CSMD1: variants seen among roughly 807,000 people sequenced by gnomAD.
CSMD1 encodes the protein CUB and sushi domain-containing protein 1.
Under a neutral mutation model 417.5 loss-of-function variants are expected in CSMD1, and 213 were observed. That is an observed-to-expected ratio of 0.51 (90% CI 0.46 to 0.57). CSMD1 has a LOEUF of 0.57. CSMD1 is among the 20% of genes least tolerant of loss of function. CSMD1 has a pLI of 0.00. For synonymous variants in CSMD1, 2,862 were observed against 1,736.8 expected (o/e 1.65, Z -16.11); for missense variants, 6,923 against 4,529.7 (o/e 1.53, Z -15.17).
chr8:4,873,352 A>T (rs1352607169), intron 1 of CSMD1, among the ~76,000 whole-genome samples: 1 of 152,148 alleles, frequency 6.6e-6, no homozygotes, highest in Non-Finnish European at 1.5e-5. Flanking sequence ...TTTGGTTTGT[A>T]TGAACATGAC....
intron 7 of CSMD1, among the ~76,000 whole-genome samples, chr8:3,699,485 A>G (rs766708495): frequency 6.6e-6 from 1 of 152,244 alleles, no homozygotes; most frequent in Non-Finnish European, 1.5e-5. Flanking sequence ...TCCTTTAAAG[A>G]GGACTTGGTG....
intron 3 of CSMD1, among the ~76,000 whole-genome samples, chr8:4,402,571 A>T (rs1804714769): frequency 2.0e-5 from 3 of 152,128 alleles, no homozygotes; most frequent in Admixed American, 1.3e-4. Context: ...TCTTGAAGGG[A>T]GACTTTTATA....
intron 11 of CSMD1, among the ~76,000 whole-genome samples, chr8:3,489,424 C>A (rs1818240277): frequency 6.6e-6 from 1 of 152,264 alleles, no homozygotes. Context: ...TTAATGAAAT[C>A]CCCTGGTTAC....
At chr8:3,290,452 C>T (rs1364357228) in intron 25 of CSMD1, among the ~76,000 whole-genome samples, 1 of 141,990 alleles carries the variant, frequency 7.0e-6, no homozygotes, top group African/African-American at 2.9e-5. Flanking sequence ...ATTCTTCCTA[C>T]CTATGAGCAT....
chr8:3,205,210 A>C (rs1181492936), intron 31 of CSMD1, among the ~76,000 whole-genome samples: 1 of 152,214 alleles, frequency 6.6e-6, no homozygotes, highest in Non-Finnish European at 1.5e-5. Flanking sequence ...TCATAAAAAC[A>C]ACCAACTGAA....
At chr8:3,235,916 G>GTTTTTTTTTTTTTTTTTTTT (rs11414439) in intron 26 of CSMD1, among the ~76,000 whole-genome samples, 2 of 119,378 alleles carry the variant, frequency 1.7e-5, no homozygotes, top group East Asian at 2.6e-4. Context: ...GAAGATGTAA[G>GTTTTTTTTTTTTTTTTTTTT]TTTTTTTTTT....
At chr8:4,193,718 C>G (rs181945969) in intron 3 of CSMD1, among the ~76,000 whole-genome samples, 1 of 152,130 alleles carries the variant, frequency 6.6e-6, no homozygotes, top group East Asian at 1.9e-4. Flanking sequence ...GGCGCAGGAA[C>G]CACGTCTCCA....
chr8:4,405,994 C>A (rs560914075), intron 3 of CSMD1, among the ~76,000 whole-genome samples: 2 of 152,110 alleles, frequency 1.3e-5, no homozygotes, highest in African/African-American at 2.4e-5. Context: ...ATGGCTGTGA[C>A]GAGTGAGAGG....
chr8:4,719,284 A>C (rs1216426451), intron 1 of CSMD1, among the ~76,000 whole-genome samples: 8 of 152,234 alleles, frequency 5.3e-5, no homozygotes. Context: ...TTAACAAAGT[A>C]GATAAATAAA....
At chr8:4,341,316 T>C (rs1435583357) in intron 3 of CSMD1, among the ~76,000 whole-genome samples, 1 of 152,130 alleles carries the variant, frequency 6.6e-6, no homozygotes, top group Non-Finnish European at 1.5e-5. Flanking sequence ...CAATCAATCA[T>C]ATCACTAGGT....
intron 1 of CSMD1, among the ~76,000 whole-genome samples, chr8:4,657,310 A>G (rs1319106865): frequency 6.6e-6 from 1 of 152,226 alleles, no homozygotes; most frequent in Non-Finnish European, 1.5e-5. Context: ...AGGAGGGCCC[A>G]GCACACAAAG....
intron 5 of CSMD1, among the ~76,000 whole-genome samples, chr8:3,941,539 C>G (rs79325024): frequency 0.011 from 1,636 of 152,200 alleles, 24 homozygotes; most frequent in African/African-American, 0.037. Context: ...AAAGTGCTCT[C>G]TCTCCGAGCA....
intron 3 of CSMD1, among the ~76,000 whole-genome samples, chr8:4,094,960 A>C (rs1019328245): frequency 6.6e-6 from 1 of 152,222 alleles, no homozygotes; most frequent in Non-Finnish European, 1.5e-5. Context: ...GGAGATAGTG[A>C]ATAAAGTATT....
At chr8:3,411,331 G>A (rs1299023299) in intron 12 of CSMD1, among the ~76,000 whole-genome samples, 1 of 151,600 alleles carries the variant, frequency 6.6e-6, no homozygotes, top group Admixed American at 6.6e-5. Flanking sequence ...TCTTTGTGGG[G>A]TATTTTTTAG....
In CSMD1 at chr8:4,837,485, C is replaced by A. The variant is rs189341645; in HGVS notation, c.85+156847G>T. On this transcript the variant is annotated intron_variant, in intron 1 of 69. Transcript: ENST00000635120. ...GATCATTGTGTTAACTAAAATAAGC[C>A]AGGCACAGAAAGGCAAACACAAAAG... 2.6e-3 allele frequency among the ~76,000 whole-genome samples: 389 copies of A among 152,154 alleles called. 2 individuals carry two copies. Among genetic ancestry groups the A allele is most frequent in the African/African-American group, 8.9e-3 (369 of 41,502 alleles).
chr8:4,818,224 T>C (rs749448932), intron 1 of CSMD1, among the ~76,000 whole-genome samples: 3 of 152,200 alleles, frequency 2.0e-5, no homozygotes, highest in Non-Finnish European at 4.4e-5. Context: ...TTTTAAAATG[T>C]ATAGCAATAG....
intron 3 of CSMD1, among the ~76,000 whole-genome samples, chr8:4,126,794 T>C (rs1397467132): frequency 6.6e-6 from 1 of 152,206 alleles, no homozygotes; most frequent in Non-Finnish European, 1.5e-5. Flanking sequence ...CACTTCATTC[T>C]GGAGATGTGT....
intron 3 of CSMD1, among the ~76,000 whole-genome samples, chr8:4,267,934 C>T (rs1032070617): frequency 6.6e-6 from 1 of 152,012 alleles, no homozygotes; most frequent in East Asian, 1.9e-4. Flanking sequence ...ATTCATGCCT[C>T]ATATATATTC....
chr8:4,872,332 C>G (rs951538698), intron 1 of CSMD1, among the ~76,000 whole-genome samples: 5 of 152,040 alleles, frequency 3.3e-5, no homozygotes, highest in African/African-American at 1.2e-4. Context: ...TAATCCCCAT[C>G]ATCTCCACAT....
Sources: gnomAD v4.1 joint callset for allele counts (sites outside exome capture counted in the v4.1 genomes callset) on GRCh38, gnomAD v4.1.1 for gene constraint, MANE v1.5 for transcripts, NCBI Gene and HGNC (gene_info 2026-07-23, HGNC 2026-07-21) for gene names.